The following SPOCK1 variants were observed in gnomAD, a reference collection of about 807,000 sequenced individuals.
SPOCK1 encodes the protein testican-1.
SPOCK1 carries 23 observed loss-of-function variants against 55.3 expected under a neutral mutation model. The ratio of observed to expected loss-of-function variants is 0.42; its 90% confidence interval spans 0.30 to 0.59. The LOEUF (loss-of-function observed/expected upper bound fraction) is 0.59. SPOCK1 is among the 20% of genes least tolerant of loss of function. The pLI is 0.22. For synonymous variants in SPOCK1, 226 were observed against 221.0 expected (o/e 1.02, Z -0.20); for missense variants, 499 against 552.5 (o/e 0.90, Z 0.97).
chr5:137,079,562 G>A (rs555618447), intron 5 of SPOCK1, among the ~76,000 whole-genome samples: 7 of 142,154 alleles, frequency 4.9e-5, no homozygotes, highest in South Asian at 4.4e-4. Flanking sequence ...GTGAAATGTC[G>A]TACCAAAGAT....
chr5:137,002,363 A>G (rs527529358), intron 6 of SPOCK1, among the ~76,000 whole-genome samples: 29 of 152,144 alleles, frequency 1.9e-4, no homozygotes, highest in Non-Finnish European at 3.7e-4. Context: ...AATGTGCATT[A>G]GTGGAGTAAC....
At position 137,297,966 on chromosome 5, in the gene SPOCK1, C is replaced by T. The variant is rs1025579709; in HGVS notation, c.187-30911G>A. 5.7e-4 allele frequency among the ~76,000 whole-genome samples: 86 copies of T among 152,172 alleles called. 1 individual carries two copies. Among genetic ancestry groups the T allele is most frequent in the African/African-American group, 1.8e-3 (75 of 41,500 alleles). On this transcript the variant is annotated intron_variant, in intron 2 of 10. Transcript: ENST00000394945. ...TGACCATACAAACATGATTCAAAGG[C>T]GGTATTTTACTGTGGCCCAGAGAAG...
At chr5:137,295,820 C>A (rs1757468392) in intron 2 of SPOCK1, among the ~76,000 whole-genome samples, 1 of 152,122 alleles carries the variant, frequency 6.6e-6, no homozygotes, top group Non-Finnish European at 1.5e-5. Context: ...ACATGGCATA[C>A]TACTTCATTT....
intron 2 of SPOCK1, among the ~76,000 whole-genome samples, chr5:137,394,378 A>G (rs1751796634): frequency 6.6e-6 from 1 of 152,348 alleles, no homozygotes; most frequent in Non-Finnish European, 1.5e-5. Context: ...ATTCTGAAAC[A>G]GAGAAAGTCC....
intron 2 of SPOCK1, among the ~76,000 whole-genome samples, chr5:137,323,261 G>T (rs193033146): frequency 1.3e-5 from 2 of 152,148 alleles, no homozygotes; most frequent in East Asian, 3.9e-4. Flanking sequence ...TTTTTTAAAA[G>T]AAAATGAGAC....
chr5:137,358,632 CACCA>C (rs921046901), intron 2 of SPOCK1, among the ~76,000 whole-genome samples: 23 of 152,084 alleles, frequency 1.5e-4, no homozygotes, highest in African/African-American at 5.6e-4. Flanking sequence ...CGTATCTTTC[CACCA>C]ACCATGACAA....
chr5:137,150,672 G>T (rs1290781112), intron 3 of SPOCK1, among the ~76,000 whole-genome samples: 1 of 152,036 alleles, frequency 6.6e-6, no homozygotes, highest in Admixed American at 6.6e-5. Flanking sequence ...GGGCAGGCAG[G>T]GCTCAGCAAG....
At chr5:137,226,029 T>G (rs919989) in intron 3 of SPOCK1, among the ~76,000 whole-genome samples, 1 of 152,048 alleles carries the variant, frequency 6.6e-6, no homozygotes, top group East Asian at 1.9e-4. Context: ...AGGCCACAGC[T>G]CAACAGGGAC....
At chr5:137,385,300 T>C (rs900183761) in intron 2 of SPOCK1, among the ~76,000 whole-genome samples, 6 of 152,194 alleles carry the variant, frequency 3.9e-5, no homozygotes, top group Non-Finnish European at 8.8e-5. Context: ...GTCAAGATCA[T>C]GGGCTCCTGT....
At chr5:137,138,593 T>C (rs61014521) in intron 4 of SPOCK1, among the ~76,000 whole-genome samples, 6,605 of 151,954 alleles carry the variant, frequency 0.043, 484 homozygotes, top group African/African-American at 0.15. Flanking sequence ...TTTTAATTCA[T>C]ATGGCCACAT....
chr5:137,456,777 C>G (rs1753376763), intron 2 of SPOCK1, among the ~76,000 whole-genome samples: 1 of 152,166 alleles, frequency 6.6e-6, no homozygotes. Context: ...GAAACAATAA[C>G]TAGTCACCTA....
At chr5:137,245,975 A>C (rs1017916836) in intron 3 of SPOCK1, among the ~76,000 whole-genome samples, 4 of 152,192 alleles carry the variant, frequency 2.6e-5, no homozygotes, top group Non-Finnish European at 5.9e-5. Flanking sequence ...CATGCCTATA[A>C]TAACTATAAC....
At chr5:137,016,551 C>T (rs1751450868) in intron 6 of SPOCK1, among the ~76,000 whole-genome samples, 1 of 152,056 alleles carries the variant, frequency 6.6e-6, no homozygotes, top group Admixed American at 6.5e-5. Flanking sequence ...ACTAAAAAAC[C>T]CAGATTATAA....
chr5:137,489,455 A>G (rs1754128824), intron 2 of SPOCK1, among the ~76,000 whole-genome samples: 1 of 152,202 alleles, frequency 6.6e-6, no homozygotes, highest in Non-Finnish European at 1.5e-5. Context: ...AGCCCAGGAC[A>G]TTTGACCACA....
intron 4 of SPOCK1, among the ~76,000 whole-genome samples, chr5:137,121,925 TATTATATAA>T (rs2127038379): frequency 6.8e-6 from 1 of 146,162 alleles, no homozygotes; most frequent in Admixed American, 6.9e-5. Flanking sequence ...ATAATACTGT[TATTATATAA>T]CAGTATTATA....
intron 3 of SPOCK1, among the ~76,000 whole-genome samples, chr5:137,255,658 T>C (rs1756618238): frequency 6.6e-6 from 1 of 152,114 alleles, no homozygotes; most frequent in African/African-American, 2.4e-5. Context: ...TGAGCATTCA[T>C]GGACGTGAAG....
chr5:137,280,090 T>C (rs1378842331), intron 2 of SPOCK1, among the ~76,000 whole-genome samples: 3 of 152,110 alleles, frequency 2.0e-5, no homozygotes, highest in Non-Finnish European at 4.4e-5. Context: ...TCACTCGGCC[T>C]TTGAAAGGTC....
intron 2 of SPOCK1, among the ~76,000 whole-genome samples, chr5:137,304,403 C>G (rs1757664468): frequency 6.6e-6 from 1 of 152,140 alleles, no homozygotes; most frequent in South Asian, 2.1e-4. Flanking sequence ...TCTCAGGCTT[C>G]CAGAAGGCCC....
At chr5:137,472,859 TC>T (rs1489378776) in intron 2 of SPOCK1, among the ~76,000 whole-genome samples, 4 of 152,208 alleles carry the variant, frequency 2.6e-5, no homozygotes, top group African/African-American at 9.6e-5. Context: ...GAAAAGATGC[TC>T]CACTTCACTC....
Sources: gnomAD v4.1 joint callset for allele counts (sites outside exome capture counted in the v4.1 genomes callset) on GRCh38, gnomAD v4.1.1 for gene constraint, MANE v1.5 for transcripts, NCBI Gene and HGNC (gene_info 2026-07-23, HGNC 2026-07-21) for gene names.